HDC: variants seen among roughly 807,000 people sequenced by gnomAD.
HDC encodes the protein histidine decarboxylase.
Under a neutral mutation model 64.4 loss-of-function variants are expected in HDC, and 27 were observed. The observed-to-expected ratio is 0.42, with a 90% CI of 0.31 to 0.58. HDC has a LOEUF of 0.58. Among genes scored for constraint, HDC ranks in the 20% least tolerant of loss-of-function variants. HDC has a pLI of 0.16. For missense variants in HDC, 711 were observed against 833.9 expected, an observed-to-expected ratio of 0.85 and a Z score of 1.81; for synonymous variants, 305 against 314.2, an observed-to-expected ratio of 0.97 and a Z score of 0.31.
chr15:50,247,098 G>C (rs2045492450), intron 10 of HDC, among the ~76,000 whole-genome samples: 1 of 152,158 alleles, frequency 6.6e-6, no homozygotes, highest in Non-Finnish European at 1.5e-5. Context: ...GGCTGGGAAG[G>C]GTAGCAGGGA....
In HDC at chr15:50,265,634, C is replaced by T. The variant is rs747717058; in HGVS notation, c.-11G>A. On this transcript the variant is annotated 5_prime_UTR_variant, in exon 1 of 12. Transcript: ENST00000267845. ...CTCAGGCTCCATCATCTCCCTTGGG[C>T]TCTGGCTCCTTCTCACAGATGGACA... The T allele has an allele frequency of 6.2e-7, 1 of 1,613,860 alleles. No homozygotes were observed. The highest frequency in any genetic ancestry group is 8.5e-7 in the Non-Finnish European group (1 of 1,179,770).
intron 4 of HDC, among the ~76,000 whole-genome samples, chr15:50,256,428 G>A (rs923476501): frequency 6.6e-5 from 10 of 152,078 alleles, no homozygotes; most frequent in East Asian, 1.9e-4. Context: ...TTACACTGTC[G>A]CCCAGGCTGG....
chr15:50,248,632 C>A lies in HDC; in HGVS notation c.1042-289G>T, dbSNP rs1264006819. ...AAGGGCACTTTGCTTTCAAGTGCTG[C>A]TTTAAACATTTCATCCCGGCCCAGA... is the stretch of plus-strand genomic sequence containing the variant. On this transcript the variant is annotated intron_variant, in intron 9 of 11. Coordinates refer to ENST00000267845, the MANE Select transcript of HDC (RefSeq NM_002112.4). This position sits in a 1 kb window ranked among gnomAD's most constrained non-coding sequence, Gnocchi z 4.3. Among the ~76,000 whole-genome samples, 11 of 152,330 alleles carry A rather than the reference C, an allele frequency of 7.2e-5. No individual in the cohort carries two copies. The highest frequency in any genetic ancestry group is 2.2e-4 in the African/African-American group (9 of 41,576).
Position 50,265,722 on chromosome 15 carries a change from C to T in HDC, c.-99G>A. On this transcript the variant is annotated 5_prime_UTR_variant, in exon 1 of 12. Transcript: ENST00000267845. ...CGGCTTCCCTCTTGCCAGTCCTGCG[C>T]ACTCCCTGGCAGCCAGTGTGGGCCC... 1.9e-6 allele frequency: 2 copies of T among 1,056,400 alleles called. No homozygotes were observed. Among genetic ancestry groups the T allele is most frequent in the South Asian group, 2.6e-5 (2 of 77,628 alleles). 65.4% of individuals were successfully genotyped at this position (1,056,400 alleles called of 1,614,324 possible).
At position 50,252,655 on chromosome 15, in the gene HDC, G is replaced by A. The variant is rs779457572; in HGVS notation, c.907C>T (p.Pro303Ser). The A allele has an allele frequency of 6.2e-5, 100 of 1,614,060 alleles. No homozygotes were observed. The highest frequency in any genetic ancestry group is 7.9e-5 in the Non-Finnish European group (93 of 1,180,040). ...IEYADSFTFN[P>S]SKWMMVHFDC... ...AAATGCACCATCATCCACTTGGAAG[G>A]ATTAAAGGTGAAGGAGTCGGCATAC... Residue 303 changes from proline to serine, a missense_variant, in exon 8 of 12, where the codon CCT becomes TCT. By Grantham distance (74) the Pro-to-Ser change is moderately conservative. Transcript: ENST00000267845.
At chr15:50,254,755 T>TC in intron 4 of HDC, 91 bp from the exon 5 acceptor site, 1 of 998,878 alleles carries the variant, frequency 1.0e-6, no homozygotes. Flanking sequence ...TCTCTCTCTC[T>TC]CTCTCTCTCT....
intron 1 of HDC, among the ~76,000 whole-genome samples, chr15:50,264,074 C>T (rs894502820): frequency 3.9e-5 from 6 of 152,062 alleles, no homozygotes; most frequent in Non-Finnish European, 7.4e-5. Flanking sequence ...TCAATAGAAA[C>T]TCTATAGCTC....
intron 9 of HDC, among the ~76,000 whole-genome samples, chr15:50,251,888 G>C (rs981095154): frequency 1.3e-5 from 2 of 151,910 alleles, no homozygotes. Context: ...GAGAGAGAGT[G>C]AGTTAGAGAG....
intron 6 of HDC, 90 bp downstream of exon 6, chr15:50,254,040 T>A: frequency 1.5e-6 from 2 of 1,361,106 alleles, no homozygotes; most frequent in Non-Finnish European, 2.1e-6. Flanking sequence ...TGCTTTTGTG[T>A]GCAGCATGTT....
rs748892267 is a variant in HDC, at chr15:50,253,562, A to G, written c.787+38T>C. ...TGCTTTAGGAGACATTTAAAAATGT[A>G]TTCCTTGTCTTCCTAGCCACAGAGG... On this transcript the variant is annotated intron_variant, in intron 7 of 11. Coordinates refer to ENST00000267845, the MANE Select transcript of HDC (RefSeq NM_002112.4). 1.9e-6 allele frequency: 3 copies of G among 1,566,818 alleles called. No homozygotes were observed. In the East Asian group the frequency reaches 6.7e-5, roughly 35 times the overall value.
At chr15:50,260,901 AGAGAGTTTTTCTTCTCT>A (rs1329493684) in intron 2 of HDC, among the ~76,000 whole-genome samples, 1 of 152,194 alleles carries the variant, frequency 6.6e-6, no homozygotes, top group Non-Finnish European at 1.5e-5. Context: ...TAAAGGGGAA[AGAGAGTTTTTCTTCTCT>A]TATTTTCTAG....
At chr15:50,262,907 C>T (rs2045722616) in intron 2 of HDC, among the ~76,000 whole-genome samples, 1 of 151,720 alleles carries the variant, frequency 6.6e-6, no homozygotes. Context: ...TCCCCTCAGA[C>T]AAAATGTTCA....
At chr15:50,256,785 A>G (rs1241994105) in intron 4 of HDC, among the ~76,000 whole-genome samples, 1 of 152,224 alleles carries the variant, frequency 6.6e-6, no homozygotes, top group Non-Finnish European at 1.5e-5. Flanking sequence ...AAACCAGGAA[A>G]CATACATTAA....
intron 2 of HDC, among the ~76,000 whole-genome samples, chr15:50,262,793 G>A (rs977223726): frequency 6.6e-6 from 1 of 152,132 alleles, no homozygotes; most frequent in Non-Finnish European, 1.5e-5. Flanking sequence ...CCTTCTCTTT[G>A]GTGTGGTCTC....
rs796330972 is a variant in HDC, at chr15:50,248,409, T to C, written c.1042-66A>G. ...GGTGCCCCACTCCCTCGGGCATTTC[T>C]GGGCATTATCTGTTGCCTGCCCAGC... On this transcript the variant is annotated intron_variant, in intron 9 of 11. Transcript: ENST00000267845. This position sits in a 1 kb window ranked among gnomAD's most constrained non-coding sequence, Gnocchi z 4.3. The C allele has an allele frequency of 3.5e-5, 40 of 1,134,912 alleles. No individual in the cohort carries two copies. In the African/African-American group the frequency reaches 5.8e-4, roughly 16 times the overall value. 70.3% of individuals were successfully genotyped at this position (1,134,912 alleles called of 1,614,324 possible).
At chr15:50,262,145 T>TG (rs1054344598) in intron 2 of HDC, among the ~76,000 whole-genome samples, 72 of 151,816 alleles carry the variant, frequency 4.7e-4, no homozygotes, top group African/African-American at 1.6e-3. Flanking sequence ...ACAGCTTGTG[T>TG]GGGGGTGTGG....
Position 50,242,834 on chromosome 15 carries a change from G to T in HDC, c.1415C>A (p.Thr472Asn). 6.2e-7 allele frequency: 1 copy of T among 1,614,054 alleles called. No individual in the cohort carries two copies. The stretch of plus-strand genomic sequence containing the variant: ...AGTACAGTGCTGACTCAGGATGAGA[G>T]TGGCAGCATCTCGAATGAGATTCCA... ...RDWNLIRDAA[T>N]LILSQHCTSQ... is the part of the protein sequence containing the mutation. The change falls in exon 12 of 12, where the codon ACT becomes AAT. Residue 472 changes from threonine (T) to asparagine (N), a missense_variant. Coordinates refer to ENST00000267845, the MANE Select transcript of HDC (RefSeq NM_002112.4).
intron 6 of HDC, 141 bp from the exon 7 acceptor site, chr15:50,253,807 G>T: frequency 1.3e-6 from 1 of 746,218 alleles, no homozygotes; most frequent in Non-Finnish European, 2.4e-6. Context: ...GTTTTACCAT[G>T]GCTCGTAAGA....
intron 4 of HDC, 72 bp from the exon 5 acceptor site, chr15:50,254,736 TTTTCTCTCTCTCTC>T (rs1217352165): frequency 4.6e-5 from 56 of 1,223,840 alleles, no homozygotes; most frequent in East Asian, 1.3e-4. Flanking sequence ...CTTTCTAGTT[TTTTCTCTCTCTCTC>T]TCTCTCTCTC....
Sources: allele counts gnomAD v4.1 joint callset (sites outside exome capture counted in the v4.1 genomes callset), GRCh38; gene constraint gnomAD v4.1.1; non-coding constraint Gnocchi (gnomAD v3.1); transcripts MANE v1.5; gene names NCBI Gene and HGNC (gene_info 2026-07-23, HGNC 2026-07-21).